The following DNAJB13 variants were observed in gnomAD, a reference collection of about 807,000 sequenced individuals.
DNAJB13 encodes DnaJ heat shock protein family (Hsp40) member B13.
DNAJB13 carries 22 observed loss-of-function variants against 35.6 expected under a neutral mutation model. The ratio of observed to expected loss-of-function variants is 0.62; its 90% CI spans 0.44 to 0.88. The LOEUF is 0.88. Among genes scored for constraint, DNAJB13 ranks in the 40% least tolerant of loss-of-function variants. DNAJB13 has a pLI of 0.00. For synonymous variants in DNAJB13, 136 were observed against 144.2 expected (o/e 0.94, Z 0.41); for missense variants, 370 against 384.3 (o/e 0.96, Z 0.31).
At chr11:73,964,593 G>GAGCTC in intron 3 of DNAJB13, 1 of 369,460 alleles carries the variant, frequency 2.7e-6, no homozygotes, top group South Asian at 3.0e-5. Context: ...GGCGGGGTGG[G>GAGCTC]GGGGGAATGT....
rs1951242874 is a variant in DNAJB13, at chr11:73,970,211, C to T, written c.*97C>T. ...AGGGTGTGCAGGGGAGCCTGCTGCACAGATATGATACAAGGGTGGGATGGC... is the reference window on the plus strand; with the variant it reads ...AGGGTGTGCAGGGGAGCCTGCTGCATAGATATGATACAAGGGTGGGATGGC... On this transcript the variant is annotated 3_prime_UTR_variant, in exon 8 of 8. Coordinates refer to ENST00000339764, the MANE Select transcript of DNAJB13 (RefSeq NM_153614.4). The T allele has an allele frequency of 2.1e-5, 30 of 1,446,332 alleles. No homozygotes were observed. The highest frequency in any genetic ancestry group is 2.7e-5 in the Non-Finnish European group (29 of 1,085,568). 89.6% of individuals were successfully genotyped at this position (1,446,332 alleles called of 1,614,324 possible). A position where few individuals can be genotyped will look rare whatever the true frequency, so the allele number is the denominator to read the frequency against.
At chr11:73,964,168 G>C (rs1393296804) in intron 3 of DNAJB13, 1 of 152,696 alleles carries the variant, frequency 6.5e-6, no homozygotes, top group Non-Finnish European at 1.5e-5. Context: ...CACATCAGGG[G>C]CAGAGCCAGG....
intron 3 of DNAJB13, chr11:73,964,124 C>G (rs1951013685): frequency 6.6e-6 from 1 of 152,258 alleles, no homozygotes; most frequent in South Asian, 2.1e-4. Context: ...CCCCATCCCA[C>G]AGACCAAGAC....
intron 1 of DNAJB13, among the ~76,000 whole-genome samples, chr11:73,952,571 A>G (rs1009674345): frequency 6.6e-6 from 1 of 152,200 alleles, no homozygotes; most frequent in Admixed American, 6.5e-5. Context: ...TGTTGGAGAA[A>G]AAAGACACAA....
intron 5 of DNAJB13, 134 bp downstream of exon 5, chr11:73,966,385 C>A: frequency 1.3e-6 from 1 of 776,410 alleles, no homozygotes; most frequent in Non-Finnish European, 2.1e-6. Context: ...GCCCAGTCTG[C>A]AGAGTGGGTG....
intron 7 of DNAJB13, among the ~76,000 whole-genome samples, chr11:73,969,567 T>C (rs1380329259): frequency 1.2e-4 from 19 of 152,202 alleles, no homozygotes; most frequent in Admixed American, 1.2e-3. Context: ...GAGGCCCCCA[T>C]TGTTGGGCAA....
At chr11:73,951,554 CA>C (rs1950584575) in intron 1 of DNAJB13, among the ~76,000 whole-genome samples, 1 of 152,214 alleles carries the variant, frequency 6.6e-6, no homozygotes, top group South Asian at 2.1e-4. Context: ...GACTAAACTA[CA>C]TTCCTGAATA....
Position 73,954,000 on chromosome 11 carries a change from AAATAATAATAAT to A in DNAJB13, c.68+2894_68+2905del, listed in dbSNP as rs71467812. 7.9e-3 allele frequency among the ~76,000 whole-genome samples: 1,078 copies of A among 136,454 alleles called. 5 individuals are homozygous for A. Among genetic ancestry groups the A allele is most frequent in the African/African-American group, 0.016 (589 of 36,694 alleles). The allele number at this position is 136,454 out of a possible 152,430, so 89.5% of individuals were successfully genotyped here. A position where few individuals can be genotyped will look rare whatever the true frequency, so the allele number is the denominator to read the frequency against. The stretch of plus-strand genomic sequence containing the variant: ...AGACTCTGTCTCAAAAATAATAATA[AAATAATAATAAT>A]AATAATAATAATAATAATAATAATA... On this transcript the variant is annotated intron_variant, in intron 1 of 7. Coordinates refer to ENST00000339764, the MANE Select transcript of DNAJB13 (RefSeq NM_153614.4).
intron 6 of DNAJB13, among the ~76,000 whole-genome samples, chr11:73,968,812 C>T (rs926367614): frequency 5.9e-5 from 9 of 152,140 alleles, no homozygotes; most frequent in African/African-American, 1.4e-4. Context: ...CCTGCACTCC[C>T]GCCCCTTCGC....
intron 3 of DNAJB13, 26 bp from the exon 4 acceptor site, chr11:73,964,848 TTCTC>T (rs759767289): frequency 6.3e-7 from 1 of 1,590,406 alleles, no homozygotes; most frequent in Non-Finnish European, 8.6e-7. Context: ...TGGATACAAT[TTCTC>T]TTACTCCTCT....
intron 3 of DNAJB13, chr11:73,963,674 A>AG: frequency 1.3e-5 from 2 of 152,332 alleles, no homozygotes; most frequent in East Asian, 3.9e-4. Flanking sequence ...GCAATGCAAC[A>AG]GGAGGACCAG....
Position 73,966,835 on chromosome 11 carries a change from C to T in DNAJB13, c.606+584C>T, listed in dbSNP as rs555436140. Among the ~76,000 whole-genome samples, 494 of 149,098 alleles carry T rather than the reference C, an allele frequency of 3.3e-3. 7 individuals are homozygous for T. The highest frequency in any genetic ancestry group is 0.012 in the African/African-American group (467 of 40,130). On this transcript the variant is annotated intron_variant, in intron 5 of 7. Transcript: ENST00000339764. ...CTGGGACTACAGGCATGTGCCACCA[C>T]GCCCAGCTAATTTTTTTTTTTTTTT...
chr11:73,960,778 A>T (rs1252333828), intron 3 of DNAJB13, among the ~76,000 whole-genome samples: 1 of 150,322 alleles, frequency 6.7e-6, no homozygotes, highest in South Asian at 2.1e-4. Flanking sequence ...TTACACAATG[A>T]TTTTTTTTTT....
intron 1 of DNAJB13, among the ~76,000 whole-genome samples, chr11:73,955,082 C>T (rs896260721): frequency 4.0e-5 from 6 of 151,866 alleles, no homozygotes; most frequent in African/African-American, 1.2e-4. Flanking sequence ...CATGGGATCA[C>T]CTAGATATTG....
chr11:73,968,304 G>A (rs754533202), intron 5 of DNAJB13, 41 bp from the exon 6 acceptor site: 18 of 1,584,972 alleles, frequency 1.1e-5, no homozygotes, highest in Non-Finnish European at 1.4e-5. Context: ...AAGGTCACAC[G>A]GCCAACTAGT....
At chr11:73,954,768 C>T (rs982886571) in intron 1 of DNAJB13, among the ~76,000 whole-genome samples, 3 of 151,898 alleles carry the variant, frequency 2.0e-5, no homozygotes, top group Non-Finnish European at 2.9e-5. Context: ...CCAGCCTGGC[C>T]AACAAGGTAA....
At chr11:73,956,080 T>A (rs1370098184) in intron 1 of DNAJB13, among the ~76,000 whole-genome samples, 1 of 150,846 alleles carries the variant, frequency 6.6e-6, no homozygotes, top group Admixed American at 6.6e-5. Flanking sequence ...ATTTACTCAC[T>A]CCTGCTCAGT....
intron 1 of DNAJB13, among the ~76,000 whole-genome samples, chr11:73,955,236 T>C (rs140370870): frequency 0.013 from 1,997 of 152,174 alleles, 38 homozygotes; most frequent in African/African-American, 0.046. Flanking sequence ...ATGAGAGTGA[T>C]GTTATTGCAG....
At chr11:73,964,605 C>T (rs1253216341) in intron 3 of DNAJB13, 1 of 416,550 alleles carries the variant, frequency 2.4e-6, no homozygotes, top group Non-Finnish European at 4.3e-6. Context: ...GGGGAATGTC[C>T]CAAGGGGAGG....
Sources: gnomAD v4.1 joint callset for allele counts (sites outside exome capture counted in the v4.1 genomes callset) on GRCh38, gnomAD v4.1.1 for gene constraint, MANE v1.5 for transcripts, NCBI Gene and HGNC (gene_info 2026-07-23, HGNC 2026-07-21) for gene names.